TMEM233: variants seen among roughly 807,000 people sequenced by gnomAD.
TMEM233 encodes dispanin subfamily B member 2.
A neutral mutation model predicts 11.2 loss-of-function variants in TMEM233; 6 were observed. The ratio of observed to expected loss-of-function variants is 0.54; its 90% CI spans 0.29 to 1.06. The LOEUF (loss-of-function observed/expected upper bound fraction) is 1.06. Ranked by LOEUF, TMEM233 falls within the 50% of genes least tolerant of loss-of-function variation. The probability of loss-of-function intolerance (pLI) is 0.08; values close to 1 mark genes in which losing one functional copy is unlikely to be tolerated. For missense variants in TMEM233, 127 were observed against 144.7 expected (o/e 0.88, Z 0.63); for synonymous variants, 59 against 55.8 (o/e 1.06, Z -0.26).
intron 2 of TMEM233, among the ~76,000 whole-genome samples, chr12:119,637,570 T>C (rs1954990836): frequency 6.6e-6 from 1 of 152,220 alleles, no homozygotes; most frequent in Non-Finnish European, 1.5e-5. Context: ...CAAATCCCTC[T>C]TCTTTTCTAT....
chr12:119,634,901 C>T (rs1028822851), intron 2 of TMEM233, among the ~76,000 whole-genome samples: 1 of 152,120 alleles, frequency 6.6e-6, no homozygotes, highest in Non-Finnish European at 1.5e-5. Context: ...CAATGAAACA[C>T]GGGGTTTCAT....
chr12:119,608,384 G>C (rs958651296), intron 1 of TMEM233, among the ~76,000 whole-genome samples: 2 of 152,192 alleles, frequency 1.3e-5, no homozygotes, highest in Non-Finnish European at 2.9e-5. Flanking sequence ...CAGCGACAAT[G>C]TCTCCATCAC....
chr12:119,628,659 C>T (rs1341256832), intron 1 of TMEM233, among the ~76,000 whole-genome samples: 7 of 151,954 alleles, frequency 4.6e-5, no homozygotes, highest in African/African-American at 1.5e-4. Context: ...GCCACCACGC[C>T]CGGCTAATTT....
intron 1 of TMEM233, among the ~76,000 whole-genome samples, chr12:119,621,508 GAA>G (rs11321725): frequency 1.5e-4 from 23 of 151,254 alleles, no homozygotes; most frequent in African/African-American, 4.6e-4. Context: ...AACAAAGAGA[GAA>G]AAAAAAAACA....
chr12:119,624,080 T>C (rs1377123831), intron 1 of TMEM233, among the ~76,000 whole-genome samples: 1 of 152,058 alleles, frequency 6.6e-6, no homozygotes, highest in African/African-American at 2.4e-5. Flanking sequence ...CTGGGTAAGG[T>C]GGCTCATGCC....
chr12:119,628,067 G>A (rs1192349166), intron 1 of TMEM233, among the ~76,000 whole-genome samples: 1 of 152,242 alleles, frequency 6.6e-6, no homozygotes, highest in Non-Finnish European at 1.5e-5. Context: ...TACCTATGGG[G>A]TAGCCTTGCT....
chr12:119,640,572 G>A (rs1042406867), intron 2 of TMEM233, 127 bp from the exon 3 acceptor site: 3 of 1,006,440 alleles, frequency 3.0e-6, no homozygotes, highest in African/African-American at 1.6e-5. Flanking sequence ...CACGCAGGCT[G>A]GTACATTTCA....
At chr12:119,651,509 C>T in the TMEM233 span, among the ~76,000 whole-genome samples, 2 of 152,094 alleles carry the variant, frequency 1.3e-5, no homozygotes, top group Admixed American at 6.5e-5. Context: ...ATTGTCCAGT[C>T]AGGACCTGCC....
chr12:119,634,253 T>C, intron 2 of TMEM233: 1 of 984,898 alleles, frequency 1.0e-6, no homozygotes, highest in African/African-American at 1.7e-5. Context: ...ATTAGAGGAG[T>C]CGAAGCCTGA....
In TMEM233 at chr12:119,641,860, A is replaced by G. The variant is rs1955087617; in HGVS notation, c.*1155A>G. ...TGTTTAGTGCTAGCAGGTCCTTTAC[A>G]CCTTTCAGACACTATGGCTCTTTTC... On this transcript the variant is annotated 3_prime_UTR_variant, in exon 3 of 3. Coordinates refer to ENST00000426426, the MANE Select transcript of TMEM233 (RefSeq NM_001136534.3). 6.6e-6 allele frequency: 1 copy of G among 152,182 alleles called. No individual in the cohort carries two copies. The highest frequency in any genetic ancestry group is 1.5e-5 in the Non-Finnish European group (1 of 68,030). 9.4% of individuals were successfully genotyped at this position (152,182 alleles called of 1,614,324 possible).
At chr12:119,646,052 T>C (rs1955147385), downstream of TMEM233, among the ~76,000 whole-genome samples, 1 of 112,382 alleles carries the variant, frequency 8.9e-6, no homozygotes, top group South Asian at 3.3e-4. Context: ...ATCTAAACAA[T>C]TACAGTAGCT....
At chr12:119,607,007 T>A (rs1032980367) in intron 1 of TMEM233, among the ~76,000 whole-genome samples, 1 of 152,180 alleles carries the variant, frequency 6.6e-6, no homozygotes, top group African/African-American at 2.4e-5. Flanking sequence ...AATACAAAAT[T>A]GTCTGTGCAA....
chr12:119,644,684 G>A (rs1483029146), downstream of TMEM233, among the ~76,000 whole-genome samples: 2 of 151,756 alleles, frequency 1.3e-5, no homozygotes, highest in African/African-American at 2.4e-5. Context: ...TCACCATGTT[G>A]GCCAGGCTGG....
intron 1 of TMEM233, among the ~76,000 whole-genome samples, chr12:119,615,404 G>T (rs1214992507): frequency 6.6e-6 from 1 of 152,102 alleles, no homozygotes; most frequent in Non-Finnish European, 1.5e-5. Flanking sequence ...TAGGACAGTG[G>T]TTCTCAAGTC....
intron 2 of TMEM233, among the ~76,000 whole-genome samples, chr12:119,640,009 T>C (rs1306371226): frequency 1.3e-5 from 2 of 152,324 alleles, no homozygotes; most frequent in East Asian, 3.9e-4. Context: ...TACATGCTTA[T>C]TGATCAGTTT....
chr12:119,620,645 A>G (rs1371020454), intron 1 of TMEM233, among the ~76,000 whole-genome samples: 1 of 152,234 alleles, frequency 6.6e-6, no homozygotes, highest in Non-Finnish European at 1.5e-5. Context: ...TTTGAAAATA[A>G]AAAGTTACAA....
chr12:119,635,689 T>C (rs1380690529), intron 2 of TMEM233, among the ~76,000 whole-genome samples: 1 of 152,170 alleles, frequency 6.6e-6, no homozygotes, highest in Non-Finnish European at 1.5e-5. Context: ...CCATTTCAGA[T>C]GCTAATTGCA....
the TMEM233 span, among the ~76,000 whole-genome samples, chr12:119,650,876 C>G: frequency 6.6e-6 from 1 of 152,220 alleles, no homozygotes; most frequent in African/African-American, 2.4e-5. Flanking sequence ...CTCCTGAACT[C>G]AAGTGATCTC....
intron 1 of TMEM233, among the ~76,000 whole-genome samples, chr12:119,615,420 G>A (rs1954505307): frequency 6.6e-6 from 1 of 152,086 alleles, no homozygotes; most frequent in Admixed American, 6.5e-5. Context: ...AAGTCTAGCT[G>A]CACTCAGGAT....
Sources: gnomAD v4.1 joint callset for allele counts (sites outside exome capture counted in the v4.1 genomes callset) on GRCh38, gnomAD v4.1.1 for gene constraint, MANE v1.5 for transcripts, NCBI Gene and HGNC (gene_info 2026-07-23, HGNC 2026-07-21) for gene names.